Variants in KCNN2 observed in about 807,000 individuals in gnomAD.
KCNN2 encodes the protein potassium calcium-activated channel subfamily N member 2.
KCNN2 carries 24 observed loss-of-function variants against 55.5 expected under a neutral mutation model. The ratio of observed to expected loss-of-function variants is 0.43; its 90% CI spans 0.31 to 0.61. KCNN2 has a LOEUF of 0.61. Ranked by LOEUF, KCNN2 falls within the 20% of genes least tolerant of loss-of-function variation. KCNN2 has a pLI of 0.08. For synonymous variants in KCNN2, 431 were observed against 336.1 expected, an observed-to-expected ratio of 1.28 and a Z score of -3.09; for missense variants, 754 against 853.6, an observed-to-expected ratio of 0.88 and a Z score of 1.45.
At chr5:114,388,683 A>C (rs536088106) in intron 2 of KCNN2, among the ~76,000 whole-genome samples, 10 of 152,050 alleles carry the variant, frequency 6.6e-5, no homozygotes, top group Non-Finnish European at 1.5e-4. Flanking sequence ...TTCTGTTCTC[A>C]ATCTGTGTAT....
intron 6 of KCNN2, among the ~76,000 whole-genome samples, chr5:114,488,097 A>G (rs1242494691): frequency 6.6e-6 from 1 of 152,182 alleles, no homozygotes; most frequent in African/African-American, 2.4e-5. Flanking sequence ...TACCACTAAC[A>G]TTCTATAGGA....
At chr5:114,167,533 G>A (rs898580619) in intron 1 of KCNN2, among the ~76,000 whole-genome samples, 1 of 151,982 alleles carries the variant, frequency 6.6e-6, no homozygotes, top group Non-Finnish European at 1.5e-5. Flanking sequence ...TATTTTAGAA[G>A]AGTAGTTTAT....
At chr5:114,250,989 T>C (rs1754846771) in intron 2 of KCNN2, among the ~76,000 whole-genome samples, 1 of 152,226 alleles carries the variant, frequency 6.6e-6, no homozygotes, top group Non-Finnish European at 1.5e-5. Context: ...GCTGTATTTA[T>C]ACCAATATAT....
At chr5:114,224,077 T>C (rs1754196182) in intron 2 of KCNN2, among the ~76,000 whole-genome samples, 1 of 152,164 alleles carries the variant, frequency 6.6e-6, no homozygotes, top group South Asian at 2.1e-4. Context: ...TTTCTCTCTC[T>C]TCTAGCATTT....
At chr5:114,225,602 T>C (rs561938899) in intron 2 of KCNN2, among the ~76,000 whole-genome samples, 12 of 152,130 alleles carry the variant, frequency 7.9e-5, no homozygotes, top group African/African-American at 2.6e-4. Context: ...TAAATATTTA[T>C]CAAATGAATG....
In KCNN2 at chr5:114,496,149, C is replaced by T. The variant is rs1253266732; in HGVS notation, c.2343C>T (p.Ser781=). The T allele has an allele frequency of 3.7e-6, 6 of 1,613,940 alleles. No individual in the cohort carries two copies. Among genetic ancestry groups the T allele is most frequent in the African/African-American group, 1.3e-5 (1 of 75,014 alleles). Reference sequence around the variant, plus strand: ...CGTCCAGGAGGCGGCGGTCCTCTTCCACAGCACCACCAACTTCATCAGAGA... The same window carrying T: ...CGTCCAGGAGGCGGCGGTCCTCTTCTACAGCACCACCAACTTCATCAGAGA... ...RSSSRRRRSS[S]TAPPTSSESS is the part of the protein sequence containing the mutation. The change falls in exon 8 of 8, where the codon TCC becomes TCT. Residue 781 remains serine, a synonymous_variant. Transcript: ENST00000673685.
chr5:114,274,484 G>A (rs746178634), intron 2 of KCNN2, among the ~76,000 whole-genome samples: 20 of 152,088 alleles, frequency 1.3e-4, no homozygotes, highest in African/African-American at 4.1e-4. Flanking sequence ...AATGTTTTTC[G>A]ATTTGTTTGT....
In KCNN2 at chr5:114,228,782, A is replaced by G. The variant is rs1449912481; in HGVS notation, c.-185+7217A>G. ...TGTCAATCACATACATGATTTTTTA[A>G]TAGTGGCTTTTGGATTCTTATGATG... is the stretch of plus-strand genomic sequence containing the variant. On this transcript the variant is annotated intron_variant, in intron 2 of 10. Transcript: ENST00000512097. Among the ~76,000 whole-genome samples, 3 of 152,028 alleles carry G rather than the reference A, an allele frequency of 2.0e-5. No homozygotes were observed. In the East Asian group the frequency reaches 5.8e-4, roughly 29 times the overall value.
At chr5:114,361,717 G>C (rs1194294311), upstream of KCNN2, among the ~76,000 whole-genome samples, 1 of 152,196 alleles carries the variant, frequency 6.6e-6, no homozygotes, top group Non-Finnish European at 1.5e-5. Flanking sequence ...TCCGGCACTA[G>C]TCAAGGGGGC....
intron 4 of KCNN2, among the ~76,000 whole-genome samples, 193 bp downstream of exon 4, chr5:114,463,383 T>C (rs1474356707): frequency 6.6e-6 from 1 of 152,248 alleles, no homozygotes; most frequent in Non-Finnish European, 1.5e-5. Flanking sequence ...TGAAATTCTG[T>C]TGAAGAGGTA....
intron 2 of KCNN2, among the ~76,000 whole-genome samples, chr5:114,263,159 A>G (rs541283006): frequency 2.0e-5 from 3 of 152,180 alleles, no homozygotes; most frequent in Admixed American, 6.5e-5. Context: ...ATGTTGGCAG[A>G]AAGCTGAAAA....
intron 2 of KCNN2, among the ~76,000 whole-genome samples, chr5:114,398,313 A>T (rs531050666): frequency 6.6e-6 from 1 of 152,068 alleles, no homozygotes; most frequent in South Asian, 2.1e-4. Context: ...AGGTTTTGTC[A>T]ATTTTGTTGA....
At chr5:114,237,244 G>A (rs188218702) in intron 2 of KCNN2, among the ~76,000 whole-genome samples, 2 of 141,922 alleles carry the variant, frequency 1.4e-5, no homozygotes, top group Admixed American at 7.3e-5. Flanking sequence ...TCCTGATGTG[G>A]GTTGTCAAAA....
At chr5:114,494,501 G>A (rs1328539126) in intron 7 of KCNN2, among the ~76,000 whole-genome samples, 2 of 151,500 alleles carry the variant, frequency 1.3e-5, no homozygotes, top group South Asian at 2.1e-4. Flanking sequence ...GGACATCCTC[G>A]ATTAACGTGT....
At chr5:114,131,082 CA>C (rs1752062708) in intron 1 of KCNN2, among the ~76,000 whole-genome samples, 1 of 152,026 alleles carries the variant, frequency 6.6e-6, no homozygotes, top group African/African-American at 2.4e-5. Flanking sequence ...CCATTGAAAG[CA>C]CAATTTTATT....
rs137892633 is a variant in KCNN2 at position 114,165,625 on chromosome 5, C to A, written c.-270-55855C>A. ...GTTTAGATTTGGTTCTTATCCATGG[C>A]CTTATTGGTCTTAATTGTCCTGTGT... On this transcript the variant is annotated intron_variant, in intron 1 of 10. Transcript: ENST00000512097. 2.0e-3 allele frequency among the ~76,000 whole-genome samples: 309 copies of A among 152,112 alleles called. 5 individuals carry two copies. In the East Asian group the frequency reaches 0.04, roughly 19 times the overall value.
chr5:114,143,030 AAAT>A (rs1388681800), intron 1 of KCNN2, among the ~76,000 whole-genome samples: 2 of 152,124 alleles, frequency 1.3e-5, no homozygotes, highest in Non-Finnish European at 2.9e-5. Flanking sequence ...ACAGGTCAAG[AAAT>A]AATAAACGCA....
At chr5:114,117,093 GA>G (rs1352481658) in intron 1 of KCNN2, among the ~76,000 whole-genome samples, 1 of 152,162 alleles carries the variant, frequency 6.6e-6, no homozygotes, top group African/African-American at 2.4e-5. Context: ...AGAGAGCCAA[GA>G]GGGAAATTTA....
At chr5:114,161,905 A>C (rs542668864) in intron 1 of KCNN2, among the ~76,000 whole-genome samples, 2 of 152,102 alleles carry the variant, frequency 1.3e-5, no homozygotes, top group East Asian at 3.9e-4. Flanking sequence ...CCATTCGTCT[A>C]GTTTTTGTTC....
Sources: allele counts gnomAD v4.1 joint callset (sites outside exome capture counted in the v4.1 genomes callset), GRCh38; gene constraint gnomAD v4.1.1; transcripts MANE v1.5; gene names NCBI Gene and HGNC (gene_info 2026-07-23, HGNC 2026-07-21).